Variants in INPP5A observed in about 807,000 individuals in gnomAD.
INPP5A encodes the protein 43 kDa inositol polyphosphate 5-phophatase.
INPP5A carries 14 observed loss-of-function variants against 65.2 expected under a neutral mutation model. The observed-to-expected ratio is 0.21, with a 90% CI of 0.14 to 0.34. The LOEUF (loss-of-function observed/expected upper bound fraction) is 0.34, where lower values mean the gene tolerates loss of function less well. Among genes scored for constraint, INPP5A ranks in the 10% least tolerant of loss-of-function variants. INPP5A has a pLI of 1.00. For missense variants in INPP5A, 431 were observed against 545.6 expected (o/e 0.79, Z 2.09); for synonymous variants, 207 against 208.3 (o/e 0.99, Z 0.05).
At chr10:132,641,634 C>T (rs1048850560) in intron 2 of INPP5A, among the ~76,000 whole-genome samples, 3 of 152,174 alleles carry the variant, frequency 2.0e-5, no homozygotes, top group Admixed American at 6.5e-5. Flanking sequence ...GCAAGGGCCC[C>T]GTGTTGTAAA....
At chr10:132,702,952 G>T (rs974004409) in intron 6 of INPP5A, among the ~76,000 whole-genome samples, 1 of 152,166 alleles carries the variant, frequency 6.6e-6, no homozygotes, top group Non-Finnish European at 1.5e-5. Flanking sequence ...GAGTCTGGAC[G>T]TGGGAGCTGG....
intron 8 of INPP5A, among the ~76,000 whole-genome samples, chr10:132,724,131 A>G (rs1299940267): frequency 6.6e-6 from 1 of 152,192 alleles, no homozygotes; most frequent in Non-Finnish European, 1.5e-5. Flanking sequence ...ACTTCCCTAT[A>G]AAAAGTTGTA....
At position 132,547,635 on chromosome 10, in the gene INPP5A, C is replaced by T. The variant is rs2070995437; in HGVS notation, c.75+9464C>T. On this transcript the variant is annotated intron_variant, in intron 1 of 15. Coordinates refer to ENST00000368594, the MANE Select transcript of INPP5A (RefSeq NM_005539.5). This position sits in a 1 kb window ranked among gnomAD's most constrained non-coding sequence, Gnocchi z 5.5. Reference sequence around the variant, plus strand: ...TCTACCCAAGCGCCCGTGGCCTGAACAGGACTTGGTTTTTCAGGCCTTCAT... The same window carrying T: ...TCTACCCAAGCGCCCGTGGCCTGAATAGGACTTGGTTTTTCAGGCCTTCAT... 6.6e-6 allele frequency among the ~76,000 whole-genome samples: 1 copy of T among 152,150 alleles called. No homozygotes were observed. Among genetic ancestry groups the T allele is most frequent in the South Asian group, 2.1e-4 (1 of 4,832 alleles).
intron 11 of INPP5A, among the ~76,000 whole-genome samples, chr10:132,759,695 A>G (rs1846695628): frequency 1.3e-5 from 2 of 151,898 alleles, no homozygotes; most frequent in African/African-American, 2.4e-5. Context: ...TCTGTGTTCT[A>G]TGGCCCGGCG....
At chr10:132,734,036 G>C (rs1371696699) in intron 9 of INPP5A, among the ~76,000 whole-genome samples, 6 of 152,232 alleles carry the variant, frequency 3.9e-5, no homozygotes, top group Non-Finnish European at 8.8e-5. Context: ...CCTCACGTCT[G>C]CCTGGCACCA....
intron 12 of INPP5A, among the ~76,000 whole-genome samples, chr10:132,769,764 G>A (rs1026489443): frequency 9.2e-5 from 14 of 152,092 alleles, no homozygotes; most frequent in Admixed American, 2.0e-4. Flanking sequence ...TGTGGTGTGC[G>A]CCTCAACAGC....
intron 4 of INPP5A, among the ~76,000 whole-genome samples, chr10:132,680,901 C>T (rs951471106): frequency 2.0e-5 from 3 of 152,246 alleles, no homozygotes; most frequent in African/African-American, 7.2e-5. Context: ...GGGCAGGGCT[C>T]GGGACCTGCA....
intron 4 of INPP5A, among the ~76,000 whole-genome samples, chr10:132,688,478 GAC>G (rs1845179241): frequency 6.6e-6 from 1 of 152,206 alleles, no homozygotes; most frequent in Non-Finnish European, 1.5e-5. Flanking sequence ...TTCTTAGAGA[GAC>G]AATAGCTCTG....
chr10:132,735,572 A>G (rs967237422), intron 9 of INPP5A, among the ~76,000 whole-genome samples: 2 of 152,190 alleles, frequency 1.3e-5, no homozygotes, highest in South Asian at 2.1e-4. Context: ...GCTCCCACCC[A>G]CAGCAGCCCA....
intron 1 of INPP5A, among the ~76,000 whole-genome samples, chr10:132,586,993 A>G (rs1404050301): frequency 2.6e-5 from 4 of 152,254 alleles, no homozygotes; most frequent in Non-Finnish European, 1.5e-5. Context: ...GACCAATGTC[A>G]TCATTCCCCG....
chr10:132,774,417 CG>C lies in INPP5A; in HGVS notation c.978-3253del, dbSNP rs746419503. On this transcript the variant is annotated intron_variant, in intron 12 of 15. Coordinates refer to ENST00000368594, the MANE Select transcript of INPP5A (RefSeq NM_005539.5). ...GTCAGAGGAGGGGCTTTCACCCTGA[CG>C]CCCACCTGGAGAAGTGAGGCTGCGC... Among the ~76,000 whole-genome samples, 31 of 152,106 alleles carry C rather than the reference CG, an allele frequency of 2.0e-4. 1 individual carries two copies. The highest frequency in any genetic ancestry group is 7.4e-5 in the Non-Finnish European group (5 of 68,006).
rs146436658 is a variant in INPP5A, at chr10:132,707,122, G to C, written c.475-1191G>C. On this transcript the variant is annotated intron_variant, in intron 6 of 15. Coordinates refer to ENST00000368594, the MANE Select transcript of INPP5A (RefSeq NM_005539.5). This position sits in a 1 kb window ranked among gnomAD's most constrained non-coding sequence, Gnocchi z 5.5. ...TTTCTTCACGGGTGTTTCGTCCACA[G>C]TTAACTCCAGATTCCCATCTGCTTT... Among the ~76,000 whole-genome samples the C allele has an allele frequency of 2.6e-5, 4 of 152,350 alleles. No homozygotes were observed. The highest frequency in any genetic ancestry group is 1.3e-4 in the Admixed American group (2 of 15,308).
intron 8 of INPP5A, among the ~76,000 whole-genome samples, chr10:132,721,832 T>A (rs1401635156): frequency 1.3e-5 from 2 of 151,940 alleles, no homozygotes; most frequent in Non-Finnish European, 2.9e-5. Flanking sequence ...GCGCCTTAGA[T>A]GGCTGTCTTG....
At position 132,727,480 on chromosome 10, in the gene INPP5A, A is replaced by G. The variant is rs1846006579; in HGVS notation, c.732+575A>G. On this transcript the variant is annotated intron_variant, in intron 9 of 15. Coordinates refer to ENST00000368594, the MANE Select transcript of INPP5A (RefSeq NM_005539.5). This position sits in a 1 kb window ranked among gnomAD's most constrained non-coding sequence, Gnocchi z 6.5. ...GCTTTCGGGCTGGCCGGGGACCAGC[A>G]GCTTGGGCGCCGAGGTGCCACCGAC... The G allele has an allele frequency of 6.6e-6, 1 of 151,892 alleles. No homozygotes were observed. Among genetic ancestry groups the G allele is most frequent in the African/African-American group, 2.4e-5 (1 of 41,214 alleles). 9.4% of individuals were successfully genotyped at this position (151,892 alleles called of 1,614,324 possible). A position where few individuals can be genotyped will look rare whatever the true frequency, so the allele number is the denominator to read the frequency against.
At chr10:132,629,031 C>A (rs1215744676) in intron 2 of INPP5A, among the ~76,000 whole-genome samples, 1 of 152,202 alleles carries the variant, frequency 6.6e-6, no homozygotes, top group South Asian at 2.1e-4. Flanking sequence ...CGTGGCCGCA[C>A]AGATGGCAGG....
intron 4 of INPP5A, among the ~76,000 whole-genome samples, chr10:132,690,134 G>A (rs1411554655): frequency 6.6e-6 from 1 of 152,184 alleles, no homozygotes; most frequent in Non-Finnish European, 1.5e-5. Context: ...TCCACTCAAT[G>A]CCTGGCCCGT....
At chr10:132,694,156 G>T (rs1377443876) in intron 5 of INPP5A, among the ~76,000 whole-genome samples, 5 of 152,024 alleles carry the variant, frequency 3.3e-5, no homozygotes, top group African/African-American at 9.7e-5. Flanking sequence ...AAATTTAAAA[G>T]AACAGAAACC....
intron 9 of INPP5A, among the ~76,000 whole-genome samples, chr10:132,730,129 A>G (rs191471347): frequency 2.0e-5 from 3 of 152,346 alleles, no homozygotes; most frequent in South Asian, 2.1e-4. Context: ...GTTCCCCCAC[A>G]GTAGCTGGTT....
chr10:132,595,893 G>GTT (rs34485149), intron 1 of INPP5A, among the ~76,000 whole-genome samples: 1 of 147,916 alleles, frequency 6.8e-6, no homozygotes, highest in African/African-American at 2.5e-5. Flanking sequence ...AAAGTAATGA[G>GTT]TTTTTTTTTT....
Sources: gnomAD v4.1 joint callset for allele counts (sites outside exome capture counted in the v4.1 genomes callset) on GRCh38, gnomAD v4.1.1 for gene constraint, Gnocchi (gnomAD v3.1) non-coding constraint, MANE v1.5 for transcripts, NCBI Gene and HGNC (gene_info 2026-07-23, HGNC 2026-07-21) for gene names.